CFAP20: variants seen among roughly 807,000 people sequenced by gnomAD.
CFAP20 encodes cilia- and flagella-associated protein 20.
A neutral mutation model predicts 25.5 loss-of-function variants in CFAP20; 14 were observed. The observed-to-expected ratio is 0.55, with a 90% CI of 0.36 to 0.86. The LOEUF (loss-of-function observed/expected upper bound fraction) is 0.86. Among genes scored for constraint, CFAP20 ranks in the 40% least tolerant of loss-of-function variants. The pLI is 0.01. For synonymous variants in CFAP20, 75 were observed against 91.1 expected (o/e 0.82, Z 1.01); for missense variants, 181 against 248.0 (o/e 0.73, Z 1.81).
Position 58,129,141 on chromosome 16 carries a change from G to T in CFAP20, c.-26C>A. ...CTCGCCGGCGGCCTTCTCCTAAGCC[G>T]CCCCCGGAGCCGACCTAGGCCCCGG... On this transcript the variant is annotated 5_prime_UTR_variant, in exon 1 of 6. Coordinates refer to ENST00000262498, the MANE Select transcript of CFAP20 (RefSeq NM_013242.3). 1 of 1,611,730 alleles carries T rather than the reference G, an allele frequency of 6.2e-7. No individual in the cohort carries two copies. The highest frequency in any genetic ancestry group is 8.5e-7 in the Non-Finnish European group (1 of 1,179,288).
At chr16:58,116,214 AACAATAAC>A in intron 2 of CFAP20, 62 bp from the exon 3 acceptor site, 1 of 1,217,330 alleles carries the variant, frequency 8.2e-7, no homozygotes, top group Non-Finnish European at 1.2e-6. Flanking sequence ...TGGTATGCAC[AACAATAAC>A]ACACGGTCCA....
chr16:58,116,558 C>T (rs1365123815), intron 2 of CFAP20: 1 of 411,382 alleles, frequency 2.4e-6, no homozygotes. Context: ...CCCCAACACA[C>T]ACTTTGGTTA....
intron 1 of CFAP20, among the ~76,000 whole-genome samples, chr16:58,128,404 A>T (rs1449760236): frequency 6.6e-6 from 1 of 152,216 alleles, no homozygotes; most frequent in Non-Finnish European, 1.5e-5. Context: ...GTGAGTGTGG[A>T]GCAGGTGCCA....
rs777751037 is a variant in CFAP20, at chr16:58,116,923, G to A, written c.113C>T (p.Thr38Ile). ...KVRNGHIKRI[T>I]DNDIQSLVLE... ...CACCAGGGACTGGATGTCATTATCAGTGATTCTTTTGATGTGGCCATTCCG... is the reference window on the plus strand; with the variant it reads ...CACCAGGGACTGGATGTCATTATCAATGATTCTTTTGATGTGGCCATTCCG... The change falls in exon 2 of 6, where the codon ACT becomes ATT. Residue 38 changes from threonine to isoleucine, a missense_variant. Thr to Ile is a moderately conservative substitution (Grantham distance 89, BLOSUM62 -1). Coordinates refer to ENST00000262498, the MANE Select transcript of CFAP20 (RefSeq NM_013242.3). 4.3e-6 allele frequency: 7 copies of A among 1,614,086 alleles called. No homozygotes were observed. The highest frequency in any genetic ancestry group is 5.9e-6 in the Non-Finnish European group (7 of 1,180,036).
At chr16:58,114,784 C>G in intron 5 of CFAP20, 26 bp downstream of exon 5, 2 of 1,569,618 alleles carry the variant, frequency 1.3e-6, no homozygotes, top group Non-Finnish European at 1.8e-6. Flanking sequence ...CACTGGTGGA[C>G]CTTCCTCTGG....
chr16:58,121,177 T>G (rs1284016957), intron 1 of CFAP20, among the ~76,000 whole-genome samples: 2 of 152,208 alleles, frequency 1.3e-5, no homozygotes, highest in African/African-American at 4.8e-5. Context: ...CCTGGCCATG[T>G]GGCTGTCATT....
At chr16:58,128,601 A>G (rs1047957042) in intron 1 of CFAP20, among the ~76,000 whole-genome samples, 3 of 152,162 alleles carry the variant, frequency 2.0e-5, no homozygotes, top group African/African-American at 7.2e-5. Context: ...AAATATTTGG[A>G]ATTCGTGAAT....
chr16:58,117,128 G>A (rs749421619), intron 1 of CFAP20, 177 bp from the exon 2 acceptor site: 1 of 551,582 alleles, frequency 1.8e-6, no homozygotes, highest in Non-Finnish European at 3.2e-6. Flanking sequence ...CAACCACCAA[G>A]GGAATCCCAG....
intron 1 of CFAP20, among the ~76,000 whole-genome samples, chr16:58,122,280 A>G (rs1960543792): frequency 6.6e-6 from 1 of 152,196 alleles, no homozygotes; most frequent in African/African-American, 2.4e-5. Context: ...AGGCAAGTGT[A>G]ATTAAAACCC....
chr16:58,129,022 C>T lies in CFAP20; in HGVS notation c.84+10G>A. On this transcript the variant is annotated intron_variant, in intron 1 of 5. Transcript: ENST00000262498. The stretch of plus-strand genomic sequence containing the variant: ...CCTCCACCCCGCCCCGTCGCCGCCC[C>T]TAGCCCGACCTTTTTGTCCCAGATT... 6.2e-7 allele frequency: 1 copy of T among 1,613,218 alleles called. No individual in the cohort carries two copies. The highest frequency in any genetic ancestry group is 1.7e-5 in the Admixed American group (1 of 60,006).
intron 1 of CFAP20, among the ~76,000 whole-genome samples, chr16:58,117,623 C>T (rs555479783): frequency 2.6e-5 from 4 of 151,940 alleles, no homozygotes; most frequent in South Asian, 2.1e-4. Flanking sequence ...TTAGTAGAGA[C>T]GGGGTTTCAC....
At chr16:58,118,352 G>A (rs980221061) in intron 1 of CFAP20, among the ~76,000 whole-genome samples, 3 of 151,828 alleles carry the variant, frequency 2.0e-5, no homozygotes, top group Non-Finnish European at 4.4e-5. Context: ...TGCACCTGTA[G>A]TGTGCCTATA....
At chr16:58,115,670 T>C (rs1960448287) in intron 3 of CFAP20, 1 of 605,000 alleles carries the variant, frequency 1.7e-6, no homozygotes, top group Non-Finnish European at 2.9e-6. Context: ...ACCAGCTGCT[T>C]ATGACATATA....
chr16:58,116,711 C>A, intron 2 of CFAP20, 161 bp downstream of exon 2: 1 of 608,108 alleles, frequency 1.6e-6, no homozygotes, highest in Non-Finnish European at 2.9e-6. Context: ...GATGAGTATG[C>A]TAAGGTCTGG....
intron 1 of CFAP20, among the ~76,000 whole-genome samples, chr16:58,121,714 T>G (rs1201615995): frequency 6.6e-6 from 1 of 152,028 alleles, no homozygotes; most frequent in Non-Finnish European, 1.5e-5. Context: ...TCTCCCAGGC[T>G]TTCCATGGTT....
intron 1 of CFAP20, among the ~76,000 whole-genome samples, chr16:58,125,544 TGTG>T (rs1441578423): frequency 6.6e-6 from 1 of 151,464 alleles, no homozygotes; most frequent in Non-Finnish European, 1.5e-5. Flanking sequence ...ATTAGTGAGG[TGTG>T]GTGGTGAGGG....
In CFAP20 at chr16:58,121,192, A is replaced by C. The variant is rs369666780; in HGVS notation, c.85-4241T>G. Among the ~76,000 whole-genome samples the C allele has an allele frequency of 1.2e-4, 18 of 152,284 alleles. No homozygotes were observed. The South Asian group carries it at 2.7e-3, about 23-fold the overall frequency. ...CCTGGCCATGTGGCTGTCATTGCCT[A>C]ATATTATAAAGGTCTTCCAGGAAAG... is the stretch of plus-strand genomic sequence containing the variant. On this transcript the variant is annotated intron_variant, in intron 1 of 5. Coordinates refer to ENST00000262498, the MANE Select transcript of CFAP20 (RefSeq NM_013242.3).
intron 1 of CFAP20, among the ~76,000 whole-genome samples, chr16:58,120,553 G>C (rs1470433647): frequency 6.6e-6 from 1 of 152,218 alleles, no homozygotes; most frequent in Non-Finnish European, 1.5e-5. Flanking sequence ...CTTCACAGAA[G>C]AAAACAAAGC....
intron 3 of CFAP20, 52 bp from the exon 4 acceptor site, chr16:58,115,509 C>T (rs1960446075): frequency 6.3e-7 from 1 of 1,587,984 alleles, no homozygotes; most frequent in African/African-American, 1.3e-5. Flanking sequence ...GGAAGAAGCA[C>T]ACAACCTTGT....
Sources: gnomAD v4.1 joint callset for allele counts (sites outside exome capture counted in the v4.1 genomes callset) on GRCh38, gnomAD v4.1.1 for gene constraint, MANE v1.5 for transcripts, NCBI Gene and HGNC (gene_info 2026-07-23, HGNC 2026-07-21) for gene names.